Variants in KSR2 observed in about 807,000 individuals in gnomAD.
KSR2 encodes the protein kinase suppressor of ras 2.
A neutral mutation model predicts 107.8 loss-of-function variants in KSR2; 25 were observed. That is an observed-to-expected ratio of 0.23 (90% CI 0.17 to 0.32). KSR2 has a LOEUF of 0.32. Ranked by LOEUF, KSR2 falls within the 10% of genes least tolerant of loss-of-function variation. The pLI is 1.00. For synonymous variants in KSR2, 480 were observed against 507.0 expected (o/e 0.95, Z 0.71); for missense variants, 887 against 1,268.9 (o/e 0.70, Z 4.57).
chr12:117,497,428 C>G (rs1003094765), intron 14 of KSR2, among the ~76,000 whole-genome samples: 2 of 150,904 alleles, frequency 1.3e-5, no homozygotes, highest in Admixed American at 1.3e-4. Flanking sequence ...AAGGCAAAGA[C>G]TCTTCATTAA....
intron 3 of KSR2, among the ~76,000 whole-genome samples, chr12:117,821,508 A>G (rs924269906): frequency 3.9e-5 from 6 of 152,234 alleles, no homozygotes; most frequent in Non-Finnish European, 8.8e-5. Context: ...TTCATAACAT[A>G]CAAAATATGT....
intron 14 of KSR2, among the ~76,000 whole-genome samples, chr12:117,489,403 T>G (rs1872632389): frequency 6.6e-6 from 1 of 151,924 alleles, no homozygotes; most frequent in African/African-American, 2.4e-5. Context: ...AAAAACTAGC[T>G]GTGTGTAGTG....
chr12:117,752,282 T>C (rs1888638102), intron 4 of KSR2, among the ~76,000 whole-genome samples: 1 of 152,176 alleles, frequency 6.6e-6, no homozygotes, highest in Admixed American at 6.5e-5. Flanking sequence ...GGAGGTGAAA[T>C]GTGTTCACTC....
chr12:117,674,443 A>T, intron 4 of KSR2: 1 of 454,960 alleles, frequency 2.2e-6, no homozygotes, highest in Non-Finnish European at 4.4e-6. Context: ...GGAAGATCAC[A>T]ACCTCTATCT....
intron 7 of KSR2, among the ~76,000 whole-genome samples, chr12:117,576,920 T>C (rs1328412940): frequency 1.3e-5 from 2 of 152,134 alleles, no homozygotes; most frequent in African/African-American, 4.8e-5. Context: ...CCTCCCAAAG[T>C]GCTGAGATTA....
chr12:117,602,503 T>C (rs113558844), intron 5 of KSR2, among the ~76,000 whole-genome samples: 6 of 152,368 alleles, frequency 3.9e-5, no homozygotes, highest in African/African-American at 1.4e-4. Context: ...TGAGGCATTT[T>C]GCATCTGACT....
intron 14 of KSR2, among the ~76,000 whole-genome samples, chr12:117,496,131 T>C (rs891155164): frequency 2.0e-5 from 3 of 151,696 alleles, no homozygotes; most frequent in African/African-American, 4.8e-5. Context: ...GTTCTGCCCA[T>C]TAGGGGCTGT....
At chr12:117,567,082 G>A (rs1878544005) in intron 7 of KSR2, among the ~76,000 whole-genome samples, 1 of 152,216 alleles carries the variant, frequency 6.6e-6, no homozygotes, top group Non-Finnish European at 1.5e-5. Context: ...AAATGAGATG[G>A]CCCTGCCTTC....
At chr12:117,712,369 G>A (rs1333974400) in intron 4 of KSR2, among the ~76,000 whole-genome samples, 3 of 152,140 alleles carry the variant, frequency 2.0e-5, no homozygotes, top group Non-Finnish European at 4.4e-5. Context: ...GGAAATGGGG[G>A]AGAAGCCACA....
chr12:117,661,310 T>C (rs1884422553), intron 5 of KSR2, among the ~76,000 whole-genome samples: 1 of 152,130 alleles, frequency 6.6e-6, no homozygotes, highest in Non-Finnish European at 1.5e-5. Context: ...GGGCAATTGC[T>C]GAAATTGGAA....
At chr12:117,839,962 G>A (rs755969449) in intron 3 of KSR2, among the ~76,000 whole-genome samples, 38 of 152,072 alleles carry the variant, frequency 2.5e-4, no homozygotes, top group Admixed American at 5.9e-4. Context: ...CTACTTATTT[G>A]TTGCCCAGAA....
At chr12:117,835,708 A>G (rs1392473247) in intron 3 of KSR2, among the ~76,000 whole-genome samples, 1 of 152,096 alleles carries the variant, frequency 6.6e-6, no homozygotes, top group Non-Finnish European at 1.5e-5. Context: ...TGCTACTGGC[A>G]TCCAGTGGGT....
chr12:117,713,344 T>C (rs1229101346), intron 4 of KSR2, among the ~76,000 whole-genome samples: 3 of 151,130 alleles, frequency 2.0e-5, no homozygotes, highest in Non-Finnish European at 4.4e-5. Flanking sequence ...TATAGCTAAG[T>C]AGACAGTAGA....
chr12:117,806,128 G>C (rs17585881), intron 3 of KSR2, among the ~76,000 whole-genome samples: 22,719 of 152,092 alleles, frequency 0.15, 2,639 homozygotes, highest in African/African-American at 0.31. Flanking sequence ...AACAACGTCC[G>C]GCATTTCCTA....
At chr12:117,823,125 A>C (rs2137084682) in intron 3 of KSR2, among the ~76,000 whole-genome samples, 1 of 139,216 alleles carries the variant, frequency 7.2e-6, no homozygotes, top group Middle Eastern at 3.9e-3. Context: ...CTCAAAAAAA[A>C]AAAAAGTGTG....
At chr12:117,921,870 C>G (rs554893952) in intron 1 of KSR2, among the ~76,000 whole-genome samples, 47 of 151,978 alleles carry the variant, frequency 3.1e-4, no homozygotes, top group African/African-American at 1.0e-3. Flanking sequence ...AGTGGTTTGA[C>G]AAAAATAAAA....
chr12:117,777,175 C>CTATATATATATATATATA (rs56862811), intron 3 of KSR2, among the ~76,000 whole-genome samples: 27 of 136,808 alleles, frequency 2.0e-4, no homozygotes, highest in African/African-American at 6.7e-4. Flanking sequence ...CATATATACA[C>CTATATATATATATATATA]TATATATATA....
chr12:117,823,082 A>G (rs941239769), intron 3 of KSR2, among the ~76,000 whole-genome samples: 2 of 152,034 alleles, frequency 1.3e-5, no homozygotes, highest in Non-Finnish European at 2.9e-5. Context: ...CAATATATGC[A>G]AAGGTCCTGA....
intron 7 of KSR2, among the ~76,000 whole-genome samples, chr12:117,565,166 G>A (rs911803955): frequency 6.6e-6 from 1 of 152,232 alleles, no homozygotes; most frequent in African/African-American, 2.4e-5. Context: ...TCACAGGAGG[G>A]ACAGGCAAGA....
Sources: gnomAD v4.1 joint callset for allele counts (sites outside exome capture counted in the v4.1 genomes callset) on GRCh38, gnomAD v4.1.1 for gene constraint, MANE v1.5 for transcripts, NCBI Gene and HGNC (gene_info 2026-07-23, HGNC 2026-07-21) for gene names.